The following MACC1 variants were observed in gnomAD, a reference collection of about 807,000 sequenced individuals.
MACC1 encodes the protein MET transcriptional regulator MACC1.
Under a neutral mutation model 70.7 loss-of-function variants are expected in MACC1, and 79 were observed. The observed-to-expected ratio is 1.12, with a 90% CI of 0.93 to 1.35. The LOEUF (loss-of-function observed/expected upper bound fraction) is 1.35, where lower values mean the gene tolerates loss of function less well. Ranked by LOEUF, MACC1 falls within the 40% of genes most tolerant of loss-of-function variation. The probability of loss-of-function intolerance (pLI) is 0.00; values close to 1 mark genes in which losing one functional copy is unlikely to be tolerated. For missense variants in MACC1, 1,106 were observed against 978.1 expected (o/e 1.13, Z -1.74); for synonymous variants, 361 against 347.2 (o/e 1.04, Z -0.44).
chr7:20,191,054 T>C (rs1019742255), intron 1 of MACC1, among the ~76,000 whole-genome samples: 1 of 152,194 alleles, frequency 6.6e-6, no homozygotes, highest in Non-Finnish European at 1.5e-5. Context: ...TTAGTGGACA[T>C]TTTACTCATA....
rs138512982 is a variant in MACC1, at chr7:20,171,787, G to A, written c.-217-1009C>T. On this transcript the variant is annotated intron_variant, in intron 1 of 6. Transcript: ENST00000400331. ...AGTAGAGACAGGGTTTCACCATATA[G>A]GTCAAGCTGGTCTCGAACTCCCTAC... Among the ~76,000 whole-genome samples, 704 of 152,130 alleles carry A rather than the reference G, an allele frequency of 4.6e-3. 8 individuals carry two copies. The highest frequency in any genetic ancestry group is 0.016 in the African/African-American group (673 of 41,488).
At chr7:20,178,382 C>T (rs1177535549) in intron 1 of MACC1, among the ~76,000 whole-genome samples, 1 of 151,832 alleles carries the variant, frequency 6.6e-6, no homozygotes, top group Non-Finnish European at 1.5e-5. Flanking sequence ...TGCTTTTGTC[C>T]TGAATTAACA....
intron 1 of MACC1, among the ~76,000 whole-genome samples, chr7:20,190,735 A>G (rs1012301265): frequency 3.3e-5 from 5 of 152,168 alleles, no homozygotes; most frequent in African/African-American, 1.2e-4. Context: ...CCACTTTTTC[A>G]TTTTTGAAAG....
chr7:20,158,700 C>A lies in MACC1; in HGVS notation c.1661G>T (p.Gly554Val). 1 of 1,613,834 alleles carries A rather than the reference C, an allele frequency of 6.2e-7. No individual in the cohort carries two copies. Among genetic ancestry groups the A allele is most frequent in the Non-Finnish European group, 8.5e-7 (1 of 1,179,996 alleles). ...TCTTAGCACTGCCTTCAGGGTTACC[C>A]CATAGTTGCTAAAGTTCAATGTTTT... ...QDKTLNFSNY[G>V]VTLKAVLRQS... The change falls in exon 5 of 7, where the codon GGG (glycine) becomes GTG (valine). Residue 554 changes from glycine to valine, a missense_variant. Gly to Val is a moderately radical substitution (Grantham distance 109, BLOSUM62 -3). Transcript: ENST00000400331.
chr7:20,210,661 C>T (rs1305087329), intron 1 of MACC1, among the ~76,000 whole-genome samples: 2 of 151,982 alleles, frequency 1.3e-5, no homozygotes, highest in Non-Finnish European at 2.9e-5. Context: ...CATATTTTGC[C>T]CCCATTTCCC....
chr7:20,181,086 G>A (rs1782499128), intron 1 of MACC1, among the ~76,000 whole-genome samples: 1 of 151,556 alleles, frequency 6.6e-6, no homozygotes, highest in South Asian at 2.1e-4. Flanking sequence ...TGCTCTGTGT[G>A]TGTGTGTGTG....
intron 1 of MACC1, among the ~76,000 whole-genome samples, chr7:20,186,674 A>G (rs1021318186): frequency 4.6e-5 from 7 of 152,132 alleles, no homozygotes. Context: ...TGAAAAAAAA[A>G]GGAAGAATGA....
At chr7:20,142,320 T>C (rs1781817547) in intron 6 of MACC1, among the ~76,000 whole-genome samples, 1 of 152,192 alleles carries the variant, frequency 6.6e-6, no homozygotes, top group South Asian at 2.1e-4. Context: ...TCAATCCACA[T>C]AAAAGGCTCT....
rs1047186597 is a variant in MACC1 at position 20,158,979 on chromosome 7, T to C, written c.1382A>G (p.Glu461Gly). ...TTGTTGATGAACTACTTCACCTGCT[T>C]CCAACTGCTTTTGTTTAATTTCTTT... ...ERKEIKQKQL[E>G]AGEVVHQQFL... is the part of the protein sequence containing the mutation. The change falls in exon 5 of 7, where the codon GAA becomes GGA. Residue 461 changes from glutamate to glycine, a missense_variant. Glu to Gly is a moderately conservative substitution (Grantham distance 98). Coordinates refer to ENST00000400331, the MANE Select transcript of MACC1 (RefSeq NM_182762.4). 7 of 1,613,964 alleles carry C rather than the reference T, an allele frequency of 4.3e-6. No homozygotes were observed. The highest frequency in any genetic ancestry group is 5.1e-6 in the Non-Finnish European group (6 of 1,180,032).
intron 6 of MACC1, among the ~76,000 whole-genome samples, chr7:20,151,054 GA>G (rs58699284): frequency 0.034 from 3,372 of 99,392 alleles, 123 homozygotes; most frequent in African/African-American, 0.11. Context: ...TCTCAAAGGA[GA>G]AAAAAAAAAA....
rs896690221 is a variant in MACC1, at chr7:20,163,452, A to G, written c.-9+804T>C. On this transcript the variant is annotated intron_variant, in intron 3 of 6. Transcript: ENST00000400331. ...GTGAAAACTCTGCAGATGTGCATCA[A>G]AGAGATATACATGAATATTCATTAC... Among the ~76,000 whole-genome samples, 9 of 152,376 alleles carry G rather than the reference A, an allele frequency of 5.9e-5. No individual in the cohort carries two copies. In the East Asian group the frequency reaches 1.2e-3, roughly 20 times the overall value.
At chr7:20,166,595 AC>A (rs1362105659) in intron 2 of MACC1, among the ~76,000 whole-genome samples, 1 of 152,206 alleles carries the variant, frequency 6.6e-6, no homozygotes, top group Non-Finnish European at 1.5e-5. Flanking sequence ...TATTTAAAAG[AC>A]CTGACAGGGC....
At chr7:20,214,223 A>G (rs909050234) in intron 1 of MACC1, among the ~76,000 whole-genome samples, 4 of 152,190 alleles carry the variant, frequency 2.6e-5, no homozygotes, top group African/African-American at 9.6e-5. Flanking sequence ...CTGAAGAATA[A>G]ATCCCTTTAA....
intron 1 of MACC1, among the ~76,000 whole-genome samples, chr7:20,209,630 G>T (rs1363165970): frequency 1.3e-5 from 2 of 152,190 alleles, no homozygotes; most frequent in Non-Finnish European, 2.9e-5. Context: ...TGTCTTAGAT[G>T]AGACTCTGAA....
chr7:20,181,080 C>CTGTGTGTGTG (rs59476252), intron 1 of MACC1, among the ~76,000 whole-genome samples: 57 of 149,188 alleles, frequency 3.8e-4, no homozygotes, highest in African/African-American at 1.2e-3. Flanking sequence ...TGTATGTGCT[C>CTGTGTGTGTG]TGTGTGTGTG....
At chr7:20,194,578 C>A (rs796480663) in intron 1 of MACC1, among the ~76,000 whole-genome samples, 7 of 152,328 alleles carry the variant, frequency 4.6e-5, no homozygotes, top group African/African-American at 1.7e-4. Context: ...CCTCTTGGCC[C>A]ATCCATTAGA....
At chr7:20,163,189 T>G (rs1254787938) in intron 3 of MACC1, among the ~76,000 whole-genome samples, 1 of 152,124 alleles carries the variant, frequency 6.6e-6, no homozygotes, top group Non-Finnish European at 1.5e-5. Context: ...TCAATCTCAT[T>G]GGTAATTAGG....
intron 1 of MACC1, among the ~76,000 whole-genome samples, chr7:20,177,042 G>A (rs1418801102): frequency 6.6e-6 from 1 of 152,056 alleles, no homozygotes; most frequent in African/African-American, 2.4e-5. Context: ...ATGTCAAAGA[G>A]CTATACATAC....
At chr7:20,169,693 G>C (rs1363977878) in intron 2 of MACC1, among the ~76,000 whole-genome samples, 1 of 152,150 alleles carries the variant, frequency 6.6e-6, no homozygotes, top group African/African-American at 2.4e-5. Context: ...CAATTCTCTG[G>C]TTACAGTCCT....
Sources: allele counts gnomAD v4.1 joint callset (sites outside exome capture counted in the v4.1 genomes callset), GRCh38; gene constraint gnomAD v4.1.1; transcripts MANE v1.5; gene names NCBI Gene and HGNC (gene_info 2026-07-23, HGNC 2026-07-21).